MAGI2: variants seen among roughly 807,000 people sequenced by gnomAD.
The protein encoded by MAGI2 is membrane-associated guanylate kinase, WW and PDZ domain-containing protein 2.
A neutral mutation model predicts 133.3 loss-of-function variants in MAGI2; 35 were observed. The ratio of observed to expected loss-of-function variants is 0.26; its 90% CI spans 0.20 to 0.35. The LOEUF is 0.35. Among genes scored for constraint, MAGI2 ranks in the 10% least tolerant of loss-of-function variants. The pLI, the probability that MAGI2 is intolerant of heterozygous loss-of-function variation, is 1.00. For synonymous variants in MAGI2, 729 were observed against 710.6 expected (o/e 1.03, Z -0.41); for missense variants, 1,636 against 1,863.4 (o/e 0.88, Z 2.25).
At chr7:78,028,848 C>CAAAAAAA (rs56201811) in intron 21 of MAGI2, among the ~76,000 whole-genome samples, 4 of 84,414 alleles carry the variant, frequency 4.7e-5, no homozygotes, top group East Asian at 2.9e-4. Context: ...GACTCCATCT[C>CAAAAAAA]AAAAAAAAAA....
At chr7:79,317,198 A>G (rs1271136714) in intron 1 of MAGI2, among the ~76,000 whole-genome samples, 1 of 151,402 alleles carries the variant, frequency 6.6e-6, no homozygotes, top group Admixed American at 6.6e-5. Flanking sequence ...AATTTTTTGT[A>G]TTTTTAGTAG....
intron 10 of MAGI2, among the ~76,000 whole-genome samples, chr7:78,204,077 C>T (rs7808432): frequency 0.15 from 22,393 of 152,152 alleles, 1,853 homozygotes; most frequent in South Asian, 0.28. Flanking sequence ...TCTGGTAGGA[C>T]ATAGATCACA....
intron 3 of MAGI2, among the ~76,000 whole-genome samples, chr7:78,609,895 A>C (rs948052605): frequency 1.3e-5 from 2 of 152,058 alleles, no homozygotes; most frequent in Non-Finnish European, 2.9e-5. Context: ...AATTAGGAGG[A>C]GCCCAAAGTT....
intron 2 of MAGI2, among the ~76,000 whole-genome samples, chr7:78,878,505 G>T (rs895276132): frequency 6.6e-6 from 1 of 152,162 alleles, no homozygotes; most frequent in African/African-American, 2.4e-5. Context: ...TAATAGTAGT[G>T]ATTTGCTTAA....
At chr7:78,809,926 T>C (rs1450913110) in intron 2 of MAGI2, among the ~76,000 whole-genome samples, 1 of 152,196 alleles carries the variant, frequency 6.6e-6, no homozygotes, top group Non-Finnish European at 1.5e-5. Flanking sequence ...GGTAAAGCAA[T>C]TCCTAAATCC....
In MAGI2 at chr7:79,255,878, A is replaced by C. The variant is rs149008731; in HGVS notation, c.301+197142T>G. ...TTACCCAAACCATTGTGGCAAAATT[A>C]AGGATTTGGATGTTTTCCAGTTGAA... On this transcript the variant is annotated intron_variant, in intron 1 of 21. Coordinates refer to ENST00000354212, the MANE Select transcript of MAGI2 (RefSeq NM_012301.4). Among the ~76,000 whole-genome samples the C allele has an allele frequency of 2.8e-4, 42 of 152,352 alleles. 1 individual carries two copies. The East Asian group carries it at 7.7e-3, about 28-fold the overall frequency.
intron 9 of MAGI2, among the ~76,000 whole-genome samples, chr7:78,285,959 A>T (rs557333105): frequency 3.0e-4 from 45 of 152,296 alleles, no homozygotes; most frequent in Middle Eastern, 3.4e-3. Flanking sequence ...TGGAGGCATG[A>T]AAATATATTT....
At chr7:78,606,526 T>G (rs912209925) in intron 3 of MAGI2, among the ~76,000 whole-genome samples, 2 of 152,148 alleles carry the variant, frequency 1.3e-5, no homozygotes, top group Non-Finnish European at 2.9e-5. Context: ...AGTATTCCAG[T>G]GTCTGCACTA....
intron 9 of MAGI2, among the ~76,000 whole-genome samples, chr7:78,286,733 G>A (rs1796180742): frequency 6.6e-6 from 1 of 152,124 alleles, no homozygotes; most frequent in Non-Finnish European, 1.5e-5. Flanking sequence ...CTCAAAGCTG[G>A]AGAAGAAGCC....
chr7:78,790,956 A>T (rs1199949898), intron 2 of MAGI2, among the ~76,000 whole-genome samples: 1 of 152,212 alleles, frequency 6.6e-6, no homozygotes, highest in Non-Finnish European at 1.5e-5. Flanking sequence ...TTTAATTCCT[A>T]GATGTCTGAC....
intron 2 of MAGI2, among the ~76,000 whole-genome samples, chr7:78,699,360 C>A (rs1358989156): frequency 6.6e-6 from 1 of 152,180 alleles, no homozygotes; most frequent in Non-Finnish European, 1.5e-5. Context: ...CTCGGCCTCC[C>A]AAAGTGCTGG....
chr7:78,467,016 AG>A (rs1357196650), intron 6 of MAGI2, among the ~76,000 whole-genome samples: 1 of 152,190 alleles, frequency 6.6e-6, no homozygotes, highest in African/African-American at 2.4e-5. Flanking sequence ...TCCTAGTGGT[AG>A]GCACTATAAG....
chr7:78,525,479 G>C (rs376414488), intron 3 of MAGI2, among the ~76,000 whole-genome samples: 2 of 152,074 alleles, frequency 1.3e-5, no homozygotes, highest in African/African-American at 4.8e-5. Flanking sequence ...TTTAGGTAAC[G>C]TACCAGTATG....
At chr7:79,038,029 A>G (rs956967580) in intron 1 of MAGI2, among the ~76,000 whole-genome samples, 1 of 152,194 alleles carries the variant, frequency 6.6e-6, no homozygotes, top group Non-Finnish European at 1.5e-5. Context: ...GTTCATCAAG[A>G]GTCATGTAAT....
Position 78,127,538 on chromosome 7 carries a change from T to C in MAGI2, c.3204-122A>G, listed in dbSNP as rs182855799. On this transcript the variant is annotated intron_variant, in intron 18 of 21. Coordinates refer to ENST00000354212, the MANE Select transcript of MAGI2 (RefSeq NM_012301.4). Reference sequence around the variant, plus strand: ...TCACACAAACCACTCCTCTCGGTGGTCCTGTTGGATGCTCAGGATTATGAG... The same window carrying C: ...TCACACAAACCACTCCTCTCGGTGGCCCTGTTGGATGCTCAGGATTATGAG... The C allele has an allele frequency of 1.4e-5, 9 of 660,204 alleles. No homozygotes were observed. In the East Asian group the frequency reaches 1.4e-4, roughly 11 times the overall value. The allele number at this position is 660,204 out of a possible 1,614,324, so 40.9% of individuals were successfully genotyped here.
At chr7:79,102,184 T>C (rs1427535002) in intron 1 of MAGI2, among the ~76,000 whole-genome samples, 1 of 152,214 alleles carries the variant, frequency 6.6e-6, no homozygotes, top group Admixed American at 6.5e-5. Context: ...GTTTGTTACA[T>C]AGGTATATGT....
intron 1 of MAGI2, among the ~76,000 whole-genome samples, chr7:79,260,699 C>T (rs1433054293): frequency 3.9e-5 from 6 of 152,034 alleles, no homozygotes; most frequent in South Asian, 2.1e-4. Flanking sequence ...ATTTCACGCA[C>T]GAAAGTATTT....
At chr7:78,918,841 A>G (rs576182053) in intron 2 of MAGI2, among the ~76,000 whole-genome samples, 28 of 152,262 alleles carry the variant, frequency 1.8e-4, no homozygotes, top group Admixed American at 1.1e-3. Context: ...ATATACGATG[A>G]AACTCATTTT....
chr7:78,028,653 G>A (rs1325062014), intron 21 of MAGI2, among the ~76,000 whole-genome samples: 6 of 152,072 alleles, frequency 3.9e-5, no homozygotes, highest in Non-Finnish European at 7.4e-5. Flanking sequence ...TCAGGAGTTC[G>A]AGACCAGCCT....
Sources: allele counts gnomAD v4.1 joint callset (sites outside exome capture counted in the v4.1 genomes callset), GRCh38; gene constraint gnomAD v4.1.1; transcripts MANE v1.5; gene names NCBI Gene and HGNC (gene_info 2026-07-23, HGNC 2026-07-21).